Variants in IGF2R observed in about 807,000 individuals in gnomAD.
IGF2R encodes cation-independent mannose-6-phosphate receptor.
Under a neutral mutation model 270.6 loss-of-function variants are expected in IGF2R, and 91 were observed. The observed-to-expected ratio is 0.34, with a 90% confidence interval of 0.28 to 0.40. The LOEUF (loss-of-function observed/expected upper bound fraction) is 0.40, where lower values mean the gene tolerates loss of function less well. Among genes scored for constraint, IGF2R ranks in the 10% least tolerant of loss-of-function variants. IGF2R has a pLI of 1.00. For missense variants in IGF2R, 2,805 were observed against 3,188.3 expected (o/e 0.88, Z 2.90); for synonymous variants, 1,316 against 1,258.9 (o/e 1.05, Z -0.96).
In IGF2R at chr6:160,105,706, G is replaced by C. The variant is rs912696987; in HGVS notation, c.*622G>C. On this transcript the variant is annotated 3_prime_UTR_variant, in exon 48 of 48. Transcript: ENST00000356956. ...GTTTCTTAAGGGCACACACACGTGC[G>C]TGCGAGCACACACACACATACGTGC... 3.3e-5 allele frequency: 5 copies of C among 152,790 alleles called. No individual in the cohort carries two copies. The highest frequency in any genetic ancestry group is 1.2e-4 in the African/African-American group (5 of 41,406). 9.5% of individuals were successfully genotyped at this position (152,790 alleles called of 1,614,324 possible). A position where few individuals can be genotyped will look rare whatever the true frequency, so the allele number is the denominator to read the frequency against.
At chr6:160,088,402 T>C (rs530605859) in intron 42 of IGF2R, among the ~76,000 whole-genome samples, 53 of 152,318 alleles carry the variant, frequency 3.5e-4, no homozygotes, top group Admixed American at 2.9e-3. Flanking sequence ...GGCTGAGCAG[T>C]ACTTAACTGA....
chr6:160,072,298 A>C (rs1422991345), intron 32 of IGF2R, among the ~76,000 whole-genome samples: 2 of 151,912 alleles, frequency 1.3e-5, no homozygotes, highest in Non-Finnish European at 2.9e-5. Flanking sequence ...GGTGCTCCTG[A>C]CTGGGGTTAC....
At chr6:160,011,232 A>G (rs1784328501) in intron 4 of IGF2R, among the ~76,000 whole-genome samples, 1 of 152,108 alleles carries the variant, frequency 6.6e-6, no homozygotes, top group Admixed American at 6.5e-5. Flanking sequence ...TTGCATTGTT[A>G]AATCTCTCTG....
In IGF2R at chr6:160,104,580, G is replaced by A. The variant is rs867970656; in HGVS notation, c.7066-94G>A. Reference sequence around the variant, plus strand: ...CAGTGGGCCAGTTCTTCCCCAGCTCGTGCCAGCAGAGAGCATCCCTGATGT... The same window carrying A: ...CAGTGGGCCAGTTCTTCCCCAGCTCATGCCAGCAGAGAGCATCCCTGATGT... On this transcript the variant is annotated intron_variant, in intron 47 of 47. Transcript: ENST00000356956. The A allele has an allele frequency of 2.9e-5, 39 of 1,322,948 alleles. 1 individual carries two copies. The South Asian group carries it at 3.5e-4, about 12-fold the overall frequency. 82.0% of individuals were successfully genotyped at this position (1,322,948 alleles called of 1,614,324 possible).
intron 25 of IGF2R, 140 bp from the exon 26 acceptor site, chr6:160,062,392 T>G: frequency 1.5e-6 from 1 of 668,188 alleles, no homozygotes; most frequent in Non-Finnish European, 2.7e-6. Context: ...CAGGCTGATC[T>G]TGAACTCCTG....
At chr6:160,022,146 C>T (rs148409698) in intron 4 of IGF2R, among the ~76,000 whole-genome samples, 5 of 152,232 alleles carry the variant, frequency 3.3e-5, no homozygotes, top group Non-Finnish European at 7.3e-5. Flanking sequence ...ATAACTTAGT[C>T]AGACACCACA....
At chr6:159,991,119 A>T in intron 1 of IGF2R, 65 bp from the exon 2 acceptor site, 1 of 1,481,498 alleles carries the variant, frequency 6.7e-7, no homozygotes, top group Non-Finnish European at 9.2e-7. Flanking sequence ...CTTGAATAAA[A>T]CTAGAGAGAA....
At chr6:160,037,630 G>A (rs981274023) in intron 10 of IGF2R, among the ~76,000 whole-genome samples, 1 of 152,146 alleles carries the variant, frequency 6.6e-6, no homozygotes, top group African/African-American at 2.4e-5. Context: ...GTTGTAAAGC[G>A]ATGCTTTATT....
chr6:160,062,315 A>C (rs1383107897), intron 25 of IGF2R, among the ~76,000 whole-genome samples: 4 of 151,670 alleles, frequency 2.6e-5, no homozygotes, highest in African/African-American at 7.3e-5. Flanking sequence ...CTGGGATTAC[A>C]GGCACCTGCC....
chr6:160,043,543 A>G (rs1360786342), intron 12 of IGF2R, among the ~76,000 whole-genome samples: 1 of 152,270 alleles, frequency 6.6e-6, no homozygotes, highest in Admixed American at 6.5e-5. Flanking sequence ...GGAAAATACT[A>G]CATCATCTTT....
chr6:160,104,627 G>A (rs1224706399), intron 47 of IGF2R, 47 bp from the exon 48 acceptor site: 1 of 1,566,466 alleles, frequency 6.4e-7, no homozygotes, highest in Non-Finnish European at 8.7e-7. Context: ...GAGCAGAATG[G>A]GGTCTCTTAG....
chr6:160,102,461 T>C lies in IGF2R; in HGVS notation c.6843-58T>C. On this transcript the variant is annotated intron_variant, in intron 45 of 47. Coordinates refer to ENST00000356956, the MANE Select transcript of IGF2R (RefSeq NM_000876.4). This position sits in a 1 kb window ranked among gnomAD's most constrained non-coding sequence, Gnocchi z 4.5. The stretch of plus-strand genomic sequence containing the variant: ...CCTTGGGGACTCAGGTCTCAGGTTG[T>C]GGCTGTGGCAGCAGGACCACCCTGT... 1 of 1,575,546 alleles carries C rather than the reference T, an allele frequency of 6.3e-7. No individual in the cohort carries two copies. Among genetic ancestry groups the C allele is most frequent in the Non-Finnish European group, 8.7e-7 (1 of 1,154,198 alleles).
intron 19 of IGF2R, among the ~76,000 whole-genome samples, chr6:160,054,100 C>A (rs1778255813): frequency 6.6e-6 from 1 of 152,112 alleles, no homozygotes; most frequent in South Asian, 2.1e-4. Context: ...GCAGGGTGGC[C>A]ATTTCTGACA....
chr6:160,064,221 A>G (rs1313936468), intron 27 of IGF2R, among the ~76,000 whole-genome samples, 180 bp from the exon 28 acceptor site: 1 of 152,212 alleles, frequency 6.6e-6, no homozygotes, highest in Non-Finnish European at 1.5e-5. Flanking sequence ...AGCCTTGGAC[A>G]AGGGGAAGCC....
At chr6:160,014,721 G>A (rs1777246339) in intron 4 of IGF2R, among the ~76,000 whole-genome samples, 1 of 152,174 alleles carries the variant, frequency 6.6e-6, no homozygotes, top group Non-Finnish European at 1.5e-5. Context: ...CCCCTCTTGG[G>A]TTAATGTTTT....
chr6:160,008,745 T>G lies in IGF2R; in HGVS notation c.290-265T>G, dbSNP rs532288292. ...GTAGTGGTTTTAGCGGGAGTAGAGG[T>G]GGAGAAATGTGGACAGATTTGAGAT... is the stretch of plus-strand genomic sequence containing the variant. On this transcript the variant is annotated intron_variant, in intron 2 of 47. Transcript: ENST00000356956. 3.7e-4 allele frequency among the ~76,000 whole-genome samples: 57 copies of G among 152,008 alleles called. 1 individual carries two copies. In the South Asian group the frequency reaches 0.011, roughly 30 times the overall value.
rs1350779559 is a variant in IGF2R at position 160,080,170 on chromosome 6, A to G, written c.5728A>G (p.Asn1910Asp). 6.2e-7 allele frequency: 1 copy of G among 1,614,020 alleles called. No individual in the cohort carries two copies. The highest frequency in any genetic ancestry group is 8.5e-7 in the Non-Finnish European group (1 of 1,180,016). Residue 1910 changes from asparagine to aspartate, a missense_variant, in exon 39 of 48, where the codon AAT becomes GAT. Around this residue, in one of 2 missense-constraint regions of IGF2R, gnomAD observed 1,851 missense variants for 2,207.2 expected, o/e 0.84. Coordinates refer to ENST00000356956, the MANE Select transcript of IGF2R (RefSeq NM_000876.4). ...GVPCVFPFIF[N>D]GKSYEECIIE... is the part of the protein sequence containing the mutation. ...CCCCTGTGTCTTCCCCTTCATATTC[A>G]ATGGGAAGAGCTACGAGGAGTGCAT...
intron 37 of IGF2R, 95 bp from the exon 38 acceptor site, chr6:160,079,485 C>A: frequency 1.2e-6 from 1 of 861,496 alleles, no homozygotes; most frequent in Non-Finnish European, 1.6e-6. Context: ...TCCTCATGAA[C>A]CTGCCTCCAG....
chr6:160,011,443 A>G (rs898132610), intron 4 of IGF2R, among the ~76,000 whole-genome samples: 1 of 152,108 alleles, frequency 6.6e-6, no homozygotes, highest in African/African-American at 2.4e-5. Context: ...ATCTATATAC[A>G]TACACACTGA....
Sources: gnomAD v4.1 joint callset for allele counts (sites outside exome capture counted in the v4.1 genomes callset) on GRCh38, gnomAD v4.1.1 for gene constraint, gnomAD v4.1.1 regional missense constraint, Gnocchi (gnomAD v3.1) non-coding constraint, MANE v1.5 for transcripts, NCBI Gene and HGNC (gene_info 2026-07-23, HGNC 2026-07-21) for gene names.